P2RX4: variants seen among roughly 807,000 people sequenced by gnomAD.
The protein encoded by P2RX4 is purinergic receptor P2X 4, also known as P2X purinoceptor 4.
In P2RX4, 37 loss-of-function variants were observed where a neutral mutation model predicts 48.0. The ratio of observed to expected loss-of-function variants is 0.77; its 90% CI spans 0.59 to 1.01. P2RX4 has a LOEUF of 1.01. P2RX4 is among the 50% of genes least tolerant of loss of function. P2RX4 has a pLI of 0.00. For synonymous variants in P2RX4, 200 were observed against 199.7 expected (o/e 1.00, Z -0.01); for missense variants, 501 against 521.4 (o/e 0.96, Z 0.38).
chr12:121,232,878 G>A lies in P2RX4; in HGVS notation c.1045-119G>A. 3 of 887,170 alleles carry A rather than the reference G, an allele frequency of 3.4e-6. No individual in the cohort carries two copies. The highest frequency in any genetic ancestry group is 3.8e-6 in the Non-Finnish European group (2 of 525,370). The allele number at this position is 887,170 out of a possible 1,614,324, so 55.0% of individuals were successfully genotyped here. ...AGGTCCCAGCCTTCTCCCAAGAGATGGGAGTGCCTTTCCATTCCGGTAAAG... is the reference window on the plus strand; with the variant it reads ...AGGTCCCAGCCTTCTCCCAAGAGATAGGAGTGCCTTTCCATTCCGGTAAAG... On this transcript the variant is annotated intron_variant, in intron 10 of 11. Transcript: ENST00000337233. The surrounding 1 kb of genome is among the most constrained non-coding windows in gnomAD (Gnocchi z 4.3).
At chr12:121,228,455 G>GTA (rs373631347) in intron 5 of P2RX4, 78 bp from the exon 6 acceptor site, 86,672 of 649,682 alleles carry the variant, frequency 0.13, 2,330 homozygotes, top group Non-Finnish European at 0.15. Context: ...ATATATGTGT[G>GTA]TATATATATA....
chr12:121,233,361 C>T, intron 11 of P2RX4, 162 bp from the exon 12 acceptor site: 2 of 709,734 alleles, frequency 2.8e-6, no homozygotes, highest in Middle Eastern at 3.8e-4. Context: ...TGCCTGTGGG[C>T]ACACACTACT....
At chr12:121,216,858 G>GACAGT (rs1886258872) in intron 1 of P2RX4, 1 of 669,054 alleles carries the variant, frequency 1.5e-6, no homozygotes, top group Non-Finnish European at 2.7e-6. Context: ...ATGTAATAAA[G>GACAGT]ACAGTATTCA....
intron 2 of P2RX4, among the ~76,000 whole-genome samples, chr12:121,218,437 T>C (rs891746661): frequency 6.6e-6 from 1 of 152,034 alleles, no homozygotes; most frequent in Non-Finnish European, 1.5e-5. Context: ...TGAGCCGAGA[T>C]AGTGCCACTG....
Position 121,233,592 on chromosome 12 carries a change from CAG to C in P2RX4, c.*48_*49del, listed in dbSNP as rs1369563387. 6.3e-7 allele frequency: 1 copy of C among 1,598,458 alleles called. No homozygotes were observed. Among genetic ancestry groups the C allele is most frequent in the African/African-American group, 1.3e-5 (1 of 74,646 alleles). On this transcript the variant is annotated 3_prime_UTR_variant, in exon 12 of 12. Coordinates refer to ENST00000337233, the MANE Select transcript of P2RX4 (RefSeq NM_002560.3). ...GGCTCTCCACAGCCCCATCAAAGAA[CAG>C]AGAGGAGGAGGAGGGAGAAATGGCC... is the stretch of plus-strand genomic sequence containing the variant.
At position 121,229,721 on chromosome 12, in the gene P2RX4, G is replaced by A. The variant is rs115880722; in HGVS notation, c.884+622G>A. Among the ~76,000 whole-genome samples, 5 of 152,282 alleles carry A rather than the reference G, an allele frequency of 3.3e-5. No homozygotes were observed. In the South Asian group the frequency reaches 6.2e-4, roughly 19 times the overall value. On this transcript the variant is annotated intron_variant, in intron 8 of 11. Coordinates refer to ENST00000337233, the MANE Select transcript of P2RX4 (RefSeq NM_002560.3). The surrounding 1 kb of genome is among the most constrained non-coding windows in gnomAD (Gnocchi z 4.6). ...TCCAGGCATCAGCAGGGCTGTGCTC[G>A]CTCTGAAGGCTCTGGAGAGAGTCCT...
chr12:121,210,396 G>A, intron 1 of P2RX4, 98 bp downstream of exon 1: 1 of 1,223,412 alleles, frequency 8.2e-7, no homozygotes, highest in East Asian at 3.3e-5. Context: ...GCGAGTCCGG[G>A]AGCGGCGAGC....
At chr12:121,228,928 G>A in intron 7 of P2RX4, 35 bp from the exon 8 acceptor site, 1 of 1,614,048 alleles carries the variant, frequency 6.2e-7, no homozygotes, top group Non-Finnish European at 8.5e-7. Context: ...AGGTGCTGAG[G>A]AAAGCCTTGC....
chr12:121,221,197 T>TGTGTGTGTGTGTGTG (rs1566003236), intron 2 of P2RX4, among the ~76,000 whole-genome samples: 4 of 91,020 alleles, frequency 4.4e-5, no homozygotes, highest in Admixed American at 1.2e-4. Flanking sequence ...TGTGTGTGTG[T>TGTGTGTGTGTGTGTG]TTTTAGTACA....
At chr12:121,230,664 G>A (rs775267129) in intron 8 of P2RX4, among the ~76,000 whole-genome samples, 3 of 152,178 alleles carry the variant, frequency 2.0e-5, no homozygotes, top group African/African-American at 4.8e-5. Context: ...GCCCTAAAAC[G>A]GAAAGAACTC....
At chr12:121,228,470 T>TATAA in intron 5 of P2RX4, 63 bp from the exon 6 acceptor site, 7 of 913,382 alleles carry the variant, frequency 7.7e-6, no homozygotes, top group Non-Finnish European at 1.2e-5. Flanking sequence ...TATATATATA[T>TATAA]AACATGGTTA....
At chr12:121,228,474 A>AT in intron 5 of P2RX4, 59 bp from the exon 6 acceptor site, 1 of 966,192 alleles carries the variant, frequency 1.0e-6, no homozygotes, top group South Asian at 1.4e-5. Context: ...TATATATAAC[A>AT]TGGTTATGTG....
At chr12:121,215,737 CTA>C (rs1194866001) in intron 1 of P2RX4, 2 of 152,096 alleles carry the variant, frequency 1.3e-5, no homozygotes, top group African/African-American at 4.8e-5. Context: ...GTAGAGATCC[CTA>C]TGTTGCCCAG....
intron 8 of P2RX4, among the ~76,000 whole-genome samples, chr12:121,231,186 TC>T (rs907232053): frequency 6.6e-6 from 1 of 151,704 alleles, no homozygotes; most frequent in Non-Finnish European, 1.5e-5. Context: ...ACGGGGTTTC[TC>T]CACATTGGCC....
rs1363492429 is a variant in P2RX4, at chr12:121,230,965, AGCCAT to A, written c.885-1448_885-1444del. ...ATATATATATAGCCATTATATATAT[AGCCAT>A]TATATATATATATTTTTTTTTTTTT... On this transcript the variant is annotated intron_variant, in intron 8 of 11. Transcript: ENST00000337233. 6.2e-4 allele frequency among the ~76,000 whole-genome samples: 79 copies of A among 127,932 alleles called. 1 individual carries two copies. The highest frequency in any genetic ancestry group is 5.6e-3 in the South Asian group (22 of 3,908). 83.9% of individuals were successfully genotyped at this position (127,932 alleles called of 152,430 possible). A position where few individuals can be genotyped will look rare whatever the true frequency, so the allele number is the denominator to read the frequency against.
chr12:121,221,902 C>T lies in P2RX4; in HGVS notation c.283-11C>T, dbSNP rs1223683915. On this transcript the variant is annotated splice_polypyrimidine_tract_variant and intron_variant, in intron 2 of 11. Transcript: ENST00000337233. ...TGAGCGTGGCTTGCCCGTGCTGTCT[C>T]CCCTCTGCAGGAGGAAAACTCCCTC... The T allele has an allele frequency of 6.2e-7, 1 of 1,613,798 alleles. No individual in the cohort carries two copies. Among genetic ancestry groups the T allele is most frequent in the East Asian group, 2.2e-5 (1 of 44,888 alleles).
chr12:121,212,664 CTGTAA>C (rs1885938423), intron 1 of P2RX4, among the ~76,000 whole-genome samples: 1 of 149,198 alleles, frequency 6.7e-6, no homozygotes, highest in Non-Finnish European at 1.5e-5. Flanking sequence ...TGGCTAATGC[CTGTAA>C]TCCCGGCTAC....
Position 121,216,878 on chromosome 12 carries a change from T to G in P2RX4, c.135-256T>G. The G allele has an allele frequency of 2.8e-5, 19 of 687,620 alleles. 1 individual carries two copies. The South Asian group carries it at 2.9e-4, about 11-fold the overall frequency. The allele number at this position is 687,620 out of a possible 1,614,324, so 42.6% of individuals were successfully genotyped here. A position where few individuals can be genotyped will look rare whatever the true frequency, so the allele number is the denominator to read the frequency against. ...ATAAAGACAGTATTCATCGAGCGTT[T>G]TCTCTGTGCCATCAGTGTGCTGAGT... On this transcript the variant is annotated intron_variant, in intron 1 of 11. Transcript: ENST00000337233.
chr12:121,222,267 C>A, intron 4 of P2RX4, 101 bp downstream of exon 4: 1 of 850,848 alleles, frequency 1.2e-6, no homozygotes, highest in South Asian at 1.4e-5. Context: ...TTCACATGAC[C>A]CTGGGTGAGC....
Sources: allele counts gnomAD v4.1 joint callset (sites outside exome capture counted in the v4.1 genomes callset), GRCh38; gene constraint gnomAD v4.1.1; non-coding constraint Gnocchi (gnomAD v3.1); transcripts MANE v1.5; gene names NCBI Gene and HGNC (gene_info 2026-07-23, HGNC 2026-07-21).